SEC31A: variants seen among roughly 807,000 people sequenced by gnomAD.
SEC31A encodes the protein SEC31 homolog A, COPII component.
A neutral mutation model predicts 151.0 loss-of-function variants in SEC31A; 70 were observed. The observed-to-expected ratio is 0.46, with a 90% CI of 0.38 to 0.57. The LOEUF is 0.57. Ranked by LOEUF, SEC31A falls within the 20% of genes least tolerant of loss-of-function variation. The pLI is 0.00. For missense variants in SEC31A, 1,330 were observed against 1,471.2 expected, an observed-to-expected ratio of 0.90 and a Z score of 1.57; for synonymous variants, 475 against 505.9, an observed-to-expected ratio of 0.94 and a Z score of 0.82.
At chr4:82,879,283 T>C (rs1738708983) in intron 3 of SEC31A, among the ~76,000 whole-genome samples, 1 of 150,162 alleles carries the variant, frequency 6.7e-6, no homozygotes, top group South Asian at 2.2e-4. Context: ...TGGTTCATTG[T>C]AAAATAGAGC....
Position 82,851,516 on chromosome 4 carries a change from G to T in SEC31A, c.2243C>A (p.Ala748Glu). The change falls in exon 19 of 27, where the codon GCG becomes GAG. Residue 748 changes from alanine (A) to glutamate (E), a missense_variant. Coordinates refer to ENST00000395310, the MANE Select transcript of SEC31A (RefSeq NM_001077207.4). ...CAAATTGGCATACTGACTCATCTTC[G>T]CAGCCAAGAGAACTCCTACAGTACT... ...DTSTVGVLLA[A>E]KMSQYANLLA... The T allele has an allele frequency of 6.2e-7, 1 of 1,613,984 alleles. No individual in the cohort carries two copies. The highest frequency in any genetic ancestry group is 8.5e-7 in the Non-Finnish European group (1 of 1,179,896).
At chr4:82,872,731 T>C (rs1169579082) in intron 6 of SEC31A, among the ~76,000 whole-genome samples, 1 of 151,910 alleles carries the variant, frequency 6.6e-6, no homozygotes, top group Non-Finnish European at 1.5e-5. Flanking sequence ...TGAGATGGAG[T>C]CTCGCTCTGT....
chr4:82,831,453 A>C (rs1725919596), intron 22 of SEC31A: 1 of 152,862 alleles, frequency 6.5e-6, no homozygotes, highest in Non-Finnish European at 1.5e-5. Context: ...ATTCTTATTC[A>C]TTAGGTATAG....
chr4:82,895,818 A>G (rs1444882674), upstream of SEC31A: 1 of 152,252 alleles, frequency 6.6e-6, no homozygotes, highest in East Asian at 1.9e-4. Flanking sequence ...GCAGAAACAC[A>G]ATATATACAA....
intron 20 of SEC31A, among the ~76,000 whole-genome samples, chr4:82,846,260 C>A (rs1213259650): frequency 6.6e-6 from 1 of 151,774 alleles, no homozygotes; most frequent in African/African-American, 2.4e-5. Context: ...GCCTCAGCCT[C>A]CCAAAGTGCT....
intron 3 of SEC31A, among the ~76,000 whole-genome samples, chr4:82,879,384 A>G (rs1366765948): frequency 6.7e-6 from 1 of 149,848 alleles, no homozygotes; most frequent in African/African-American, 2.4e-5. Context: ...AAAAAAAAAA[A>G]GGGGGGGTCA....
At chr4:82,823,917 C>G (rs1723977270) in intron 25 of SEC31A, among the ~76,000 whole-genome samples, 2 of 152,170 alleles carry the variant, frequency 1.3e-5, no homozygotes, top group African/African-American at 4.8e-5. Flanking sequence ...AGCATGAATT[C>G]TGGAGCCAGA....
At chr4:82,825,918 C>T (rs1724450226) in intron 24 of SEC31A, among the ~76,000 whole-genome samples, 1 of 152,146 alleles carries the variant, frequency 6.6e-6, no homozygotes, top group Non-Finnish European at 1.5e-5. Flanking sequence ...AGATGATCCC[C>T]AGGTTTTTGC....
chr4:82,838,602 C>G (rs987446243), intron 22 of SEC31A, among the ~76,000 whole-genome samples: 6 of 152,220 alleles, frequency 3.9e-5, no homozygotes, highest in African/African-American at 1.4e-4. Context: ...TCATGAGAAA[C>G]TTCTTTCTTA....
intron 16 of SEC31A, among the ~76,000 whole-genome samples, 192 bp downstream of exon 16, chr4:82,856,760 T>C (rs1198128782): frequency 1.3e-5 from 2 of 152,010 alleles, no homozygotes; most frequent in Non-Finnish European, 2.9e-5. Context: ...TTAAAATTAT[T>C]AATATATACA....
chr4:82,879,028 A>G (rs1531240), intron 3 of SEC31A, 100 bp from the exon 4 acceptor site: 806,387 of 823,342 alleles, frequency 0.98, 396,465 homozygotes, highest in East Asian at 1. Flanking sequence ...TTCATAAACA[A>G]TCCAAATATA....
At chr4:82,877,432 GC>G (rs1356420938) in intron 4 of SEC31A, 16 of 150,800 alleles carry the variant, frequency 1.1e-4, no homozygotes, top group African/African-American at 3.9e-4. Context: ...AGGTTGCAGT[GC>G]AGTGGTGTGA....
intron 19 of SEC31A, 68 bp from the exon 20 acceptor site, chr4:82,849,045 T>C: frequency 7.3e-7 from 1 of 1,378,004 alleles, no homozygotes; most frequent in South Asian, 1.3e-5. Flanking sequence ...ATGTTAATTT[T>C]CTTAATCAGA....
In SEC31A at chr4:82,854,885, A is replaced by G. The variant is rs1439671270; in HGVS notation, c.2008+18T>C. On this transcript the variant is annotated intron_variant, in intron 17 of 26. Coordinates refer to ENST00000395310, the MANE Select transcript of SEC31A (RefSeq NM_001077207.4). The stretch of plus-strand genomic sequence containing the variant: ...GCCACGTATGTAAATGCAGTTAAAT[A>G]TAAAGCACATCTCTTACCACAAAGG... 2 of 1,603,230 alleles carry G rather than the reference A, an allele frequency of 1.2e-6. No homozygotes were observed. The highest frequency in any genetic ancestry group is 1.7e-6 in the Non-Finnish European group (2 of 1,176,458).
At chr4:82,891,196 G>A (rs1462054516), upstream of SEC31A, 2 of 1,530,712 alleles carry the variant, frequency 1.3e-6, no homozygotes, top group African/African-American at 1.4e-5. Flanking sequence ...TCCACGTTCC[G>A]TTCCAACGTG....
chr4:82,898,396 A>G lies in SEC31A; in HGVS notation c.-2+1317T>C, dbSNP rs899514471. 4.1e-4 allele frequency among the ~76,000 whole-genome samples: 62 copies of G among 152,274 alleles called. 1 individual carries two copies. Among genetic ancestry groups the G allele is most frequent in the African/African-American group, 1.5e-3 (62 of 41,476 alleles). On this transcript the variant is annotated intron_variant, in intron 3 of 28. Transcript: ENST00000355196. ...ATCTATAAAGGATTACTTATTTCCT[A>G]TGCAGAAGTAAATATCTAGAGCAGT...
At chr4:82,856,395 C>T (rs1263694079) in intron 16 of SEC31A, among the ~76,000 whole-genome samples, 1 of 151,678 alleles carries the variant, frequency 6.6e-6, no homozygotes, top group Non-Finnish European at 1.5e-5. Flanking sequence ...GTGACCCCCC[C>T]ACCTCTGCCT....
At chr4:82,873,767 T>C (rs1358050384) in intron 6 of SEC31A, among the ~76,000 whole-genome samples, 1 of 151,896 alleles carries the variant, frequency 6.6e-6, no homozygotes, top group African/African-American at 2.4e-5. Context: ...CAAAAAAAGC[T>C]CCAAATTATA....
intron 8 of SEC31A, among the ~76,000 whole-genome samples, chr4:82,869,049 GAT>G (rs1410670686): frequency 1.3e-5 from 2 of 152,132 alleles, no homozygotes; most frequent in Non-Finnish European, 2.9e-5. Context: ...TGTTTGATAA[GAT>G]GTGTGGTTTG....
Sources: gnomAD v4.1 joint callset for allele counts (sites outside exome capture counted in the v4.1 genomes callset) on GRCh38, gnomAD v4.1.1 for gene constraint, MANE v1.5 for transcripts, NCBI Gene and HGNC (gene_info 2026-07-23, HGNC 2026-07-21) for gene names.